Variants in MYO1B observed in about 807,000 individuals in gnomAD.
The protein encoded by MYO1B is myosin IB.
In MYO1B, 72 loss-of-function variants were observed where a neutral mutation model predicts 159.7. The observed-to-expected ratio is 0.45, with a 90% CI of 0.37 to 0.55. MYO1B has a LOEUF of 0.55. Among genes scored for constraint, MYO1B ranks in the 20% least tolerant of loss-of-function variants. The probability of loss-of-function intolerance (pLI) is 0.00; values close to 1 mark genes in which losing one functional copy is unlikely to be tolerated. For missense variants in MYO1B, 1,062 were observed against 1,364.8 expected, an observed-to-expected ratio of 0.78 and a Z score of 3.50; for synonymous variants, 468 against 473.8, an observed-to-expected ratio of 0.99 and a Z score of 0.16.
At chr2:191,383,494 G>GTATATA (rs372620525) in intron 15 of MYO1B, 152 bp downstream of exon 15, 40,060 of 63,590 alleles carry the variant, frequency 0.63, 14,544 homozygotes, top group Non-Finnish European at 0.84. Flanking sequence ...ATATATATGT[G>GTATATA]TATATATATA....
In MYO1B at chr2:191,398,432, C is replaced by CA. The variant is rs1553562556; in HGVS notation, c.2295+1936dup. Among the ~76,000 whole-genome samples the CA allele has an allele frequency of 2.8e-5, 4 of 145,174 alleles. 1 individual carries two copies. Among genetic ancestry groups the CA allele is most frequent in the South Asian group, 2.2e-4 (1 of 4,596 alleles). On this transcript the variant is annotated intron_variant, in intron 21 of 30. Coordinates refer to ENST00000392318, the MANE Select transcript of MYO1B (RefSeq NM_001130158.3). ...GCCGGGCGGGGGGCTGACCCCCCCCCACCTCCCTCCCGGACGGAGACGCTC... is the reference window on the plus strand; with the variant it reads ...GCCGGGCGGGGGGCTGACCCCCCCCCAACCTCCCTCCCGGACGGAGACGCTC...
At chr2:191,401,217 G>A (rs189268272) in intron 23 of MYO1B, among the ~76,000 whole-genome samples, 3 of 151,916 alleles carry the variant, frequency 2.0e-5, no homozygotes, top group African/African-American at 2.4e-5. Context: ...GGCTTCAGTC[G>A]GTCTTCTGCA....
chr2:191,287,653 A>C (rs1210966466), intron 2 of MYO1B, among the ~76,000 whole-genome samples: 2 of 152,202 alleles, frequency 1.3e-5, no homozygotes, highest in African/African-American at 2.4e-5. Flanking sequence ...TTTCAAATAC[A>C]TTGAAGAATT....
rs1698138176 is a variant in MYO1B at position 191,424,911 on chromosome 2, A to G, written c.*951A>G. 6.6e-6 allele frequency: 1 copy of G among 152,592 alleles called. No individual in the cohort carries two copies. The highest frequency in any genetic ancestry group is 2.1e-4 in the South Asian group (1 of 4,828). The allele number at this position is 152,592 out of a possible 1,614,324, so 9.5% of individuals were successfully genotyped here. A position where few individuals can be genotyped will look rare whatever the true frequency, so the allele number is the denominator to read the frequency against. ...TATGATGTGCAATAAAACATCCAAGATCTTTTTTGAAAGTTTTATTTATAA... is the reference window on the plus strand; with the variant it reads ...TATGATGTGCAATAAAACATCCAAGGTCTTTTTTGAAAGTTTTATTTATAA... On this transcript the variant is annotated 3_prime_UTR_variant, in exon 31 of 31. Transcript: ENST00000392318.
chr2:191,268,863 G>T (rs1265586138), intron 1 of MYO1B, among the ~76,000 whole-genome samples: 1 of 152,198 alleles, frequency 6.6e-6, no homozygotes, highest in East Asian at 1.9e-4. Flanking sequence ...GTTAGCTGTG[G>T]TCTGGCTGAA....
intron 13 of MYO1B, among the ~76,000 whole-genome samples, chr2:191,376,580 C>T (rs934682767): frequency 2.6e-5 from 4 of 152,168 alleles, no homozygotes; most frequent in African/African-American, 9.6e-5. Flanking sequence ...GGAGACTTTA[C>T]TGTATGTAAA....
chr2:191,399,352 T>A (rs1235347048), intron 21 of MYO1B, among the ~76,000 whole-genome samples: 1 of 152,110 alleles, frequency 6.6e-6, no homozygotes, highest in Non-Finnish European at 1.5e-5. Context: ...GTATATGGAA[T>A]AGAGATTTCA....
Position 191,362,433 on chromosome 2 carries a change from T to C in MYO1B, c.765+62T>C. On this transcript the variant is annotated intron_variant, in intron 9 of 30. Coordinates refer to ENST00000392318, the MANE Select transcript of MYO1B (RefSeq NM_001130158.3). ...TACCACTGCATTGCTCAGCGGGAGC[T>C]GGTAGCAATTCTGAGTTTTCTTTAA... The C allele has an allele frequency of 2.4e-6, 3 of 1,250,034 alleles. No homozygotes were observed. The Admixed American group carries it at 5.6e-5, about 24-fold the overall frequency. The allele number at this position is 1,250,034 out of a possible 1,614,324, so 77.4% of individuals were successfully genotyped here. A position where few individuals can be genotyped will look rare whatever the true frequency, so the allele number is the denominator to read the frequency against.
chr2:191,364,707 G>C (rs1693889283), intron 11 of MYO1B, among the ~76,000 whole-genome samples: 1 of 152,226 alleles, frequency 6.6e-6, no homozygotes, highest in African/African-American at 2.4e-5. Context: ...AGGGAAAAAG[G>C]AGTGAAAGCG....
chr2:191,281,135 A>C (rs1248558454), intron 2 of MYO1B, among the ~76,000 whole-genome samples: 1 of 152,226 alleles, frequency 6.6e-6, no homozygotes, highest in Non-Finnish European at 1.5e-5. Context: ...AGTAAGTTGC[A>C]TGCTCCAGAA....
chr2:191,379,491 A>G (rs918128194), intron 13 of MYO1B, among the ~76,000 whole-genome samples: 2 of 152,210 alleles, frequency 1.3e-5, no homozygotes, highest in African/African-American at 2.4e-5. Context: ...TCTGGTTTCT[A>G]ATCTGCTTGT....
At chr2:191,363,486 C>A (rs1693804705) in intron 9 of MYO1B, among the ~76,000 whole-genome samples, 1 of 152,064 alleles carries the variant, frequency 6.6e-6, no homozygotes, top group Non-Finnish European at 1.5e-5. Flanking sequence ...GAAGTAGGGA[C>A]CCAAGGCTCT....
intron 9 of MYO1B, 22 bp from the exon 10 acceptor site, chr2:191,363,706 G>C (rs1463549643): frequency 6.4e-7 from 1 of 1,567,680 alleles, no homozygotes. Flanking sequence ...AAAAATAGTT[G>C]CTTTTTTTTT....
intron 24 of MYO1B, 44 bp from the exon 25 acceptor site, chr2:191,408,071 C>T: frequency 1.5e-6 from 2 of 1,358,386 alleles, no homozygotes; most frequent in South Asian, 1.2e-5. Flanking sequence ...TGGACCTGTA[C>T]CAGCCACACA....
In MYO1B at chr2:191,319,091, A is replaced by G. The variant is rs889647427; in HGVS notation, c.252-10844A>G. Reference sequence around the variant, plus strand: ...GAAGAGAGCCTGCAGGCCGAGTGGTATATGATATTTTTGCTTTACCCATTC... The same window carrying G: ...GAAGAGAGCCTGCAGGCCGAGTGGTGTATGATATTTTTGCTTTACCCATTC... On this transcript the variant is annotated intron_variant, in intron 3 of 30. Coordinates refer to ENST00000392318, the MANE Select transcript of MYO1B (RefSeq NM_001130158.3). Among the ~76,000 whole-genome samples, 10 of 152,278 alleles carry G rather than the reference A, an allele frequency of 6.6e-5. No homozygotes were observed. In the East Asian group the frequency reaches 9.7e-4, roughly 15 times the overall value.
intron 30 of MYO1B, among the ~76,000 whole-genome samples, chr2:191,420,486 A>G (rs1280366174): frequency 6.6e-6 from 1 of 152,188 alleles, no homozygotes; most frequent in Non-Finnish European, 1.5e-5. Context: ...TATTCTTACT[A>G]AGTTTACACA....
chr2:191,277,444 T>C (rs955324748), intron 2 of MYO1B, among the ~76,000 whole-genome samples: 4 of 152,314 alleles, frequency 2.6e-5, no homozygotes, highest in Middle Eastern at 3.4e-3. Context: ...TCGACATTTG[T>C]AGTTAGTAGG....
chr2:191,288,735 C>T (rs929140160), intron 2 of MYO1B, among the ~76,000 whole-genome samples: 3 of 152,170 alleles, frequency 2.0e-5, no homozygotes, highest in East Asian at 1.9e-4. Context: ...TCAGTCAGTG[C>T]GATTGTGCAG....
intron 3 of MYO1B, among the ~76,000 whole-genome samples, chr2:191,310,454 C>T (rs530593828): frequency 1.3e-5 from 2 of 152,280 alleles, no homozygotes; most frequent in South Asian, 2.1e-4. Context: ...CTGCCTGCCT[C>T]GGCCTCCCGA....
Sources: allele counts gnomAD v4.1 joint callset (sites outside exome capture counted in the v4.1 genomes callset), GRCh38; gene constraint gnomAD v4.1.1; transcripts MANE v1.5; gene names NCBI Gene and HGNC (gene_info 2026-07-23, HGNC 2026-07-21).